The following SMURF1 variants were observed in gnomAD, a reference collection of about 807,000 sequenced individuals.
SMURF1 encodes SMAD specific E3 ubiquitin protein ligase 1, also known as E3 ubiquitin-protein ligase SMURF1.
In SMURF1, 44 loss-of-function variants were observed where a neutral mutation model predicts 98.0. That is an observed-to-expected ratio of 0.45 (90% CI 0.35 to 0.58). The LOEUF (loss-of-function observed/expected upper bound fraction) is 0.58, where lower values mean the gene tolerates loss of function less well. Among genes scored for constraint, SMURF1 ranks in the 20% least tolerant of loss-of-function variants. The pLI is 0.00. For synonymous variants in SMURF1, 396 were observed against 374.9 expected (o/e 1.06, Z -0.65); for missense variants, 687 against 938.4 (o/e 0.73, Z 3.50).
chr7:99,127,169 G>A (rs766335371), intron 1 of SMURF1, among the ~76,000 whole-genome samples: 30 of 152,298 alleles, frequency 2.0e-4, no homozygotes, highest in Middle Eastern at 3.4e-3. Flanking sequence ...AAGGTCACAC[G>A]GGAACGTTGA....
chr7:99,093,220 T>C lies in SMURF1; in HGVS notation c.56-31383A>G, dbSNP rs181936167. Among the ~76,000 whole-genome samples, 3 of 152,314 alleles carry C rather than the reference T, an allele frequency of 2.0e-5. No homozygotes were observed. In the East Asian group the frequency reaches 5.8e-4, roughly 29 times the overall value. On this transcript the variant is annotated intron_variant, in intron 1 of 17. Transcript: ENST00000361368. ...TCTCTCCTTCCCACTTCCAGAATTA[T>C]AAGAAGGTTTCGTGTTCTCTGAAAT...
At chr7:99,040,331 T>C in intron 13 of SMURF1, 47 bp downstream of exon 13, 6 of 1,418,492 alleles carry the variant, frequency 4.2e-6, no homozygotes, top group Non-Finnish European at 5.6e-6. Flanking sequence ...ACGATAGACG[T>C]GGTGGTGGGC....
chr7:99,042,176 T>G lies in SMURF1; in HGVS notation c.1313A>C (p.Gln438Pro). 6.2e-7 allele frequency: 1 copy of G among 1,614,120 alleles called. No individual in the cohort carries two copies. The highest frequency in any genetic ancestry group is 8.5e-7 in the Non-Finnish European group (1 of 1,180,026). Residue 438 changes from glutamine to proline, a missense_variant, in exon 12 of 18, where the codon CAG becomes CCG. Physicochemically the swap from Gln to Pro is moderately conservative, Grantham distance 76. Coordinates refer to ENST00000361368, the MANE Select transcript of SMURF1 (RefSeq NM_181349.3). ...EMLNPYYGLF[Q>P]YSTDNIYMLQ... is the part of the protein sequence containing the mutation. ...CATGTAAATATTGTCCGTAGAATAC[T>G]GGAAGAGCCCGTAATAAGGATTCAG...
At position 99,115,352 on chromosome 7, in the gene SMURF1, C is replaced by T. The variant is rs145655955; in HGVS notation, c.55+28374G>A. ...TCATGTCTGTAATCCCAGCACTTTG[C>T]GAGGCTGAAGCGAGTGGATCACCTG... is the stretch of plus-strand genomic sequence containing the variant. On this transcript the variant is annotated intron_variant, in intron 1 of 17. Coordinates refer to ENST00000361368, the MANE Select transcript of SMURF1 (RefSeq NM_181349.3). 1.5e-4 allele frequency among the ~76,000 whole-genome samples: 23 copies of T among 152,056 alleles called. No individual in the cohort carries two copies. The East Asian group carries it at 4.1e-3, about 27-fold the overall frequency.
intron 1 of SMURF1, among the ~76,000 whole-genome samples, chr7:99,122,916 T>A (rs190520559): frequency 6.6e-6 from 1 of 152,010 alleles, no homozygotes; most frequent in East Asian, 1.9e-4. Flanking sequence ...CAAAGGCTAA[T>A]GAAGCAGAAT....
intron 2 of SMURF1, 41 bp downstream of exon 2, chr7:99,061,758 G>A (rs1244254584): frequency 1.4e-6 from 2 of 1,478,760 alleles, no homozygotes; most frequent in Admixed American, 1.9e-5. Flanking sequence ...AGAAATACAT[G>A]CATAACATTA....
intron 1 of SMURF1, among the ~76,000 whole-genome samples, chr7:99,063,215 GAT>G (rs551640781): frequency 0.034 from 3,182 of 93,398 alleles, 226 homozygotes; most frequent in African/African-American, 0.12. Flanking sequence ...ATATAGTCAA[GAT>G]ATATATATAT....
At chr7:99,109,867 C>T (rs1477793190) in intron 1 of SMURF1, among the ~76,000 whole-genome samples, 6 of 152,126 alleles carry the variant, frequency 3.9e-5, no homozygotes, top group African/African-American at 7.2e-5. Flanking sequence ...GCTAATATCT[C>T]GCTTCATGGA....
In SMURF1 at chr7:99,119,285, C is replaced by A. The variant is rs981963095; in HGVS notation, c.55+24441G>T. Among the ~76,000 whole-genome samples the A allele has an allele frequency of 3.9e-5, 6 of 151,948 alleles. No homozygotes were observed. In the South Asian group the frequency reaches 1.2e-3, roughly 32 times the overall value. On this transcript the variant is annotated intron_variant, in intron 1 of 17. Transcript: ENST00000361368. ...AGAGAACTTGAAGGCAAAGGCCAGGCGTGAAGAGATTTCCTTTCCAAATAA... is the reference window on the plus strand; with the variant it reads ...AGAGAACTTGAAGGCAAAGGCCAGGAGTGAAGAGATTTCCTTTCCAAATAA...
At chr7:99,111,744 C>A (rs1340097884) in intron 1 of SMURF1, among the ~76,000 whole-genome samples, 1 of 152,228 alleles carries the variant, frequency 6.6e-6, no homozygotes, top group Non-Finnish European at 1.5e-5. Context: ...AAGGCAACAG[C>A]TAACATTCCA....
At position 99,035,681 on chromosome 7, in the gene SMURF1, G is replaced by A. The variant is rs779255816; in HGVS notation, c.1845C>T (p.Asn615=). ...IIGGLDKIDL[N]DWKSNTRLKH... ...TCAGCCGCGTGTTCGACTTCCAGTC[G>A]TTCAAGTCTATTTTATCCAGGCCGC... The change falls in exon 16 of 18, where the codon AAC becomes AAT. Residue 615 remains asparagine (N), a synonymous_variant. Transcript: ENST00000361368. 44 of 1,614,040 alleles carry A rather than the reference G, an allele frequency of 2.7e-5. No homozygotes were observed. The East Asian group carries it at 4.5e-4, about 16-fold the overall frequency.
At chr7:99,057,605 G>GGT in intron 3 of SMURF1, 54 bp from the exon 4 acceptor site, 2 of 1,104,854 alleles carry the variant, frequency 1.8e-6, no homozygotes, top group Non-Finnish European at 2.3e-6. Context: ...TTTTTGTTTT[G>GGT]TTTTTTTTTT....
At chr7:99,074,379 A>G (rs557291499) in intron 1 of SMURF1, among the ~76,000 whole-genome samples, 1 of 152,332 alleles carries the variant, frequency 6.6e-6, no homozygotes, top group Admixed American at 6.5e-5. Flanking sequence ...ATATAGACCC[A>G]TGTCAACTGA....
chr7:99,135,109 A>G (rs10271953), intron 1 of SMURF1, among the ~76,000 whole-genome samples: 29,762 of 152,160 alleles, frequency 0.2, 4,062 homozygotes, highest in African/African-American at 0.38. Context: ...GCCTTTTAAA[A>G]TACATTCGGC....
intron 15 of SMURF1, 73 bp downstream of exon 15, chr7:99,036,994 C>G: frequency 1.2e-6 from 2 of 1,606,988 alleles, no homozygotes; most frequent in African/African-American, 2.7e-5. Context: ...CTGCCCCCTG[C>G]AGCAAGGATT....
intron 1 of SMURF1, among the ~76,000 whole-genome samples, chr7:99,106,397 AT>A (rs1487053450): frequency 1.3e-5 from 2 of 152,236 alleles, no homozygotes; most frequent in Non-Finnish European, 2.9e-5. Flanking sequence ...GGTTTGTGAA[AT>A]TTCAGCATTT....
At chr7:99,121,491 CTG>C (rs1563038537) in intron 1 of SMURF1, among the ~76,000 whole-genome samples, 1 of 152,168 alleles carries the variant, frequency 6.6e-6, no homozygotes, top group Non-Finnish European at 1.5e-5. Context: ...CAGCAGATAA[CTG>C]TGTAAAAGAA....
At chr7:99,137,690 T>G (rs1014457137) in intron 1 of SMURF1, among the ~76,000 whole-genome samples, 2 of 152,226 alleles carry the variant, frequency 1.3e-5, no homozygotes, top group African/African-American at 4.8e-5. Context: ...AGAATTCCTT[T>G]CAGCTGCAGT....
intron 16 of SMURF1, among the ~76,000 whole-genome samples, chr7:99,033,404 G>A (rs1165614780): frequency 6.6e-6 from 1 of 152,178 alleles, no homozygotes; most frequent in African/African-American, 2.4e-5. Context: ...TCTGACTGCC[G>A]GGTTCAAGCA....
Sources: allele counts gnomAD v4.1 joint callset (sites outside exome capture counted in the v4.1 genomes callset), GRCh38; gene constraint gnomAD v4.1.1; transcripts MANE v1.5; gene names NCBI Gene and HGNC (gene_info 2026-07-23, HGNC 2026-07-21).